Variants in OPN3 observed in about 807,000 individuals in gnomAD.
OPN3 encodes opsin-3.
OPN3 carries 29 observed loss-of-function variants against 33.8 expected under a neutral mutation model. The observed-to-expected ratio is 0.86, with a 90% CI of 0.64 to 1.17. OPN3 has a LOEUF of 1.17. Ranked by LOEUF, OPN3 falls within the 50% of genes most tolerant of loss-of-function variation. The pLI is 0.00. For synonymous variants in OPN3, 216 were observed against 216.1 expected, an observed-to-expected ratio of 1.00 and a Z score of 0.00; for missense variants, 437 against 514.1, an observed-to-expected ratio of 0.85 and a Z score of 1.45.
At chr1:241,604,156 C>T in intron 2 of OPN3, 104 bp downstream of exon 2, 2 of 1,029,596 alleles carry the variant, frequency 1.9e-6, no homozygotes, top group Non-Finnish European at 2.9e-6. Context: ...TGCTCTACCT[C>T]TGGGCAACTA....
chr1:241,605,810 T>C (rs1663815407), intron 1 of OPN3, among the ~76,000 whole-genome samples: 1 of 152,252 alleles, frequency 6.6e-6, no homozygotes, highest in Non-Finnish European at 1.5e-5. Context: ...GATTCAAAGA[T>C]GTCAGGGCTC....
chr1:241,601,562 C>G (rs1342450187), intron 2 of OPN3, among the ~76,000 whole-genome samples: 1 of 151,954 alleles, frequency 6.6e-6, no homozygotes, highest in Non-Finnish European at 1.5e-5. Context: ...AAAAATTAGC[C>G]AGGCATGGTG....
intron 1 of OPN3, chr1:241,635,181 CATCTTT>C: frequency 1.9e-6 from 3 of 1,613,010 alleles, no homozygotes; most frequent in Non-Finnish European, 2.5e-6. Flanking sequence ...TCTTTATCTC[CATCTTT>C]ATCTGAAACT....
chr1:241,600,538 C>T (rs980002938), intron 2 of OPN3: 1 of 152,166 alleles, frequency 6.6e-6, no homozygotes, highest in Non-Finnish European at 1.5e-5. Flanking sequence ...GTATAAATGG[C>T]TGGTGCCTAG....
intron 1 of OPN3, among the ~76,000 whole-genome samples, chr1:241,613,526 A>C (rs1664049085): frequency 6.6e-6 from 1 of 152,232 alleles, no homozygotes; most frequent in Admixed American, 6.5e-5. Context: ...ATTGTCTGCT[A>C]CGTATGTTCT....
chr1:241,603,912 C>T (rs534306506), intron 2 of OPN3, among the ~76,000 whole-genome samples: 1 of 152,304 alleles, frequency 6.6e-6, no homozygotes, highest in East Asian at 1.9e-4. Flanking sequence ...TTCATATGAC[C>T]TCTGAATAAA....
At chr1:241,612,628 G>A (rs899914346) in intron 1 of OPN3, among the ~76,000 whole-genome samples, 6 of 152,120 alleles carry the variant, frequency 3.9e-5, no homozygotes, top group Non-Finnish European at 8.8e-5. Context: ...CCAGAATCAC[G>A]TAGACCCTGT....
intron 1 of OPN3, chr1:241,629,722 A>C (rs1055385054): frequency 2.7e-5 from 4 of 150,788 alleles, no homozygotes; most frequent in African/African-American, 7.5e-5. Flanking sequence ...ATTTTAATTC[A>C]TTTGGAATAT....
At chr1:241,605,148 C>T (rs527727604) in intron 1 of OPN3, among the ~76,000 whole-genome samples, 26 of 152,094 alleles carry the variant, frequency 1.7e-4, no homozygotes, top group African/African-American at 6.3e-4. Context: ...ATCAGCCCCA[C>T]CCCAAAGATG....
Position 241,601,475 on chromosome 1 carries a change from C to T in OPN3, c.693+2785G>A, listed in dbSNP as rs370646034. ...ATCCTAGCACTTTGGGAGGCCAAGG[C>T]GGGCAGATCATGAGGTCAGGAGTTC... On this transcript the variant is annotated intron_variant, in intron 2 of 3. Coordinates refer to ENST00000366554, the MANE Select transcript of OPN3 (RefSeq NM_014322.3). Among the ~76,000 whole-genome samples, 198 of 151,816 alleles carry T rather than the reference C, an allele frequency of 1.3e-3. 1 individual carries two copies. The South Asian group carries it at 0.029, about 22-fold the overall frequency.
chr1:241,610,832 A>T (rs916745706), intron 1 of OPN3, among the ~76,000 whole-genome samples: 3 of 152,168 alleles, frequency 2.0e-5, no homozygotes, highest in Admixed American at 6.5e-5. Context: ...TTTTCACATA[A>T]TTACTCTGTG....
At chr1:241,607,637 G>GA (rs1323240314) in intron 1 of OPN3, among the ~76,000 whole-genome samples, 1 of 147,318 alleles carries the variant, frequency 6.8e-6, no homozygotes, top group Non-Finnish European at 1.5e-5. Flanking sequence ...AAAGAAAAAG[G>GA]AAGAAAGAAG....
intron 1 of OPN3, among the ~76,000 whole-genome samples, chr1:241,612,988 G>A (rs1339240140): frequency 2.0e-5 from 3 of 152,070 alleles, no homozygotes; most frequent in East Asian, 1.9e-4. Context: ...ACCGTGCAGC[G>A]GGCATACCAT....
intron 1 of OPN3, among the ~76,000 whole-genome samples, chr1:241,606,844 G>A (rs578116838): frequency 6.6e-6 from 1 of 152,176 alleles, no homozygotes; most frequent in Non-Finnish European, 1.5e-5. Flanking sequence ...AACGGGTTAA[G>A]AGGCCTGGAG....
intron 2 of OPN3, among the ~76,000 whole-genome samples, chr1:241,603,816 A>T (rs943873366): frequency 3.9e-5 from 6 of 152,214 alleles, no homozygotes; most frequent in South Asian, 4.1e-4. Flanking sequence ...TTGGCACCCA[A>T]CGTGAAATTG....
chr1:241,639,033 T>A (rs1449551773), intron 1 of OPN3: 1 of 152,254 alleles, frequency 6.6e-6, no homozygotes, highest in African/African-American at 2.4e-5. Context: ...TTCAATGATT[T>A]GCTGAGTTGT....
At chr1:241,602,085 T>C (rs1317897093) in intron 2 of OPN3, among the ~76,000 whole-genome samples, 5 of 152,160 alleles carry the variant, frequency 3.3e-5, no homozygotes. Context: ...GAAGGAGAAA[T>C]CCTGGCAGTA....
intron 1 of OPN3, among the ~76,000 whole-genome samples, chr1:241,612,961 A>G (rs1444196711): frequency 6.6e-6 from 1 of 151,976 alleles, no homozygotes; most frequent in African/African-American, 2.4e-5. Context: ...CTCAGCACCC[A>G]CTCAATCATG....
At chr1:241,627,330 G>A (rs1664448665) in intron 1 of OPN3, among the ~76,000 whole-genome samples, 1 of 152,122 alleles carries the variant, frequency 6.6e-6, no homozygotes, top group Non-Finnish European at 1.5e-5. Context: ...TGCTTTATGT[G>A]TTACATATTC....
Sources: allele counts gnomAD v4.1 joint callset (sites outside exome capture counted in the v4.1 genomes callset), GRCh38; gene constraint gnomAD v4.1.1; transcripts MANE v1.5; gene names NCBI Gene and HGNC (gene_info 2026-07-23, HGNC 2026-07-21).